The following PTPRE variants were observed in gnomAD, a reference collection of about 807,000 sequenced individuals.
PTPRE encodes receptor-type tyrosine-protein phosphatase epsilon.
PTPRE carries 51 observed loss-of-function variants against 102.0 expected under a neutral mutation model. The ratio of observed to expected loss-of-function variants is 0.50; its 90% CI spans 0.40 to 0.63. The LOEUF is 0.63. Among genes scored for constraint, PTPRE ranks in the 30% least tolerant of loss-of-function variants. The pLI, the probability that PTPRE is intolerant of heterozygous loss-of-function variation, is 0.00. For synonymous variants in PTPRE, 345 were observed against 348.2 expected, an observed-to-expected ratio of 0.99 and a Z score of 0.10; for missense variants, 752 against 915.1, an observed-to-expected ratio of 0.82 and a Z score of 2.30.
intron 2 of PTPRE, among the ~76,000 whole-genome samples, chr10:128,002,974 A>C (rs1291984460): frequency 6.6e-6 from 1 of 152,116 alleles, no homozygotes; most frequent in Non-Finnish European, 1.5e-5. Flanking sequence ...GATTACAGGC[A>C]TGAGCCACTG....
chr10:128,011,912 C>G (rs1845050084), intron 2 of PTPRE, among the ~76,000 whole-genome samples: 1 of 152,226 alleles, frequency 6.6e-6, no homozygotes. Context: ...CACCTGTGTC[C>G]TCACCCATCC....
At chr10:127,927,325 T>A (rs986395167) in intron 1 of PTPRE, among the ~76,000 whole-genome samples, 1 of 152,224 alleles carries the variant, frequency 6.6e-6, no homozygotes, top group Non-Finnish European at 1.5e-5. Context: ...TGATGCCAGA[T>A]GAAGTACTGG....
Position 128,014,311 on chromosome 10 carries a change from G to A in PTPRE, c.-7-26564G>A, listed in dbSNP as rs1299598881. 2.6e-5 allele frequency among the ~76,000 whole-genome samples: 4 copies of A among 152,270 alleles called. No homozygotes were observed. The East Asian group carries it at 7.7e-4, about 29-fold the overall frequency. ...GTTCTCTCCTTAGTTGCAATTTGGG[G>A]TCAAATGTTCTCCCAAACAACCGGA... On this transcript the variant is annotated intron_variant, in intron 2 of 20. Transcript: ENST00000254667.
intron 6 of PTPRE, among the ~76,000 whole-genome samples, chr10:128,050,354 T>TGGAC (rs10684251): frequency 0.56 from 75,919 of 134,604 alleles, 23,156 homozygotes; most frequent in Admixed American, 0.69. Flanking sequence ...GATGGATGGA[T>TGGAC]GGATGGATGG....
Position 128,056,123 on chromosome 10 carries a change from T to G in PTPRE, c.421T>G (p.Ser141Ala). ...ATACTAATGCTACATTTTCTTCCAG[T>G]CATTGCCATCTGGACACATACAAGG... Reference protein sequence around the residue: ...DCKQFREEFNSLPSGHIQGTF... With the variant: ...DCKQFREEFNALPSGHIQGTF... Residue 141 changes from serine (S) to alanine (A), a missense_variant and splice_region_variant, in exon 7 of 21, where the codon TCA (serine) becomes GCA (alanine). Coordinates refer to ENST00000254667, the MANE Select transcript of PTPRE (RefSeq NM_006504.6). 3 of 1,606,330 alleles carry G rather than the reference T, an allele frequency of 1.9e-6. No homozygotes were observed. The highest frequency in any genetic ancestry group is 2.6e-6 in the Non-Finnish European group (3 of 1,173,196).
chr10:127,940,090 G>A (rs1010055480), intron 1 of PTPRE, among the ~76,000 whole-genome samples: 2 of 151,902 alleles, frequency 1.3e-5, no homozygotes, highest in African/African-American at 2.4e-5. Context: ...GAGGAGCCAG[G>A]TGCGGGCAGG....
intron 18 of PTPRE, 57 bp from the exon 19 acceptor site, chr10:128,077,560 G>A: frequency 6.4e-7 from 1 of 1,554,660 alleles, no homozygotes; most frequent in Non-Finnish European, 8.7e-7. Context: ...GGCAGATGGG[G>A]CTGGGGCCTG....
chr10:127,982,247 A>T (rs1290195822), intron 1 of PTPRE, 27 bp from the exon 2 acceptor site: 1 of 1,254,804 alleles, frequency 8.0e-7, no homozygotes, highest in African/African-American at 1.6e-5. Context: ...CAGAAAACTG[A>T]CTTTTTTTTT....
rs373783764 is a variant in PTPRE at position 128,008,888 on chromosome 10, T to C, written c.-8+26592T>C. Among the ~76,000 whole-genome samples, 1 of 152,204 alleles carries C rather than the reference T, an allele frequency of 6.6e-6. No individual in the cohort carries two copies. On this transcript the variant is annotated intron_variant, in intron 2 of 20. Transcript: ENST00000254667. The surrounding 1 kb of genome is among the most constrained non-coding windows in gnomAD (Gnocchi z 4.0). Reference sequence around the variant, plus strand: ...AATCAACAAACCTGCATGAATTCAGTGCCCAGTGCTAAGTCCCAGAAGTGA... The same window carrying C: ...AATCAACAAACCTGCATGAATTCAGCGCCCAGTGCTAAGTCCCAGAAGTGA...
At chr10:127,986,132 T>G (rs1382034767) in intron 2 of PTPRE, among the ~76,000 whole-genome samples, 1 of 152,206 alleles carries the variant, frequency 6.6e-6, no homozygotes, top group Non-Finnish European at 1.5e-5. Flanking sequence ...ATGAGTCAAG[T>G]CTTTTTTCCT....
chr10:127,977,163 A>G (rs1851243187), intron 1 of PTPRE, among the ~76,000 whole-genome samples: 1 of 152,186 alleles, frequency 6.6e-6, no homozygotes, highest in Admixed American at 6.5e-5. Flanking sequence ...AGGACAGCTC[A>G]GTGTCTTTTG....
At chr10:128,011,982 TG>T (rs1564881445) in intron 2 of PTPRE, among the ~76,000 whole-genome samples, 4 of 152,198 alleles carry the variant, frequency 2.6e-5, no homozygotes, top group Admixed American at 6.5e-5. Flanking sequence ...ACAGATGACA[TG>T]CCCAGGGTGA....
chr10:128,055,527 G>A (rs1195590283), intron 6 of PTPRE, among the ~76,000 whole-genome samples: 3 of 152,120 alleles, frequency 2.0e-5, no homozygotes, highest in Non-Finnish European at 4.4e-5. Context: ...TCTGGGGTGT[G>A]GACAGAGCAT....
chr10:127,974,854 C>T (rs1241665058), intron 1 of PTPRE, among the ~76,000 whole-genome samples: 2 of 151,842 alleles, frequency 1.3e-5, no homozygotes, highest in East Asian at 3.8e-4. Flanking sequence ...GGGTCTGCAC[C>T]TGCCTTCGTC....
intron 15 of PTPRE, 99 bp from the exon 16 acceptor site, chr10:128,072,039 T>A (rs1850816420): frequency 1.1e-6 from 1 of 890,744 alleles, no homozygotes; most frequent in Admixed American, 2.6e-5. Context: ...GTAGTGATTT[T>A]ATTAATAGGA....
rs1589849877 is a variant in PTPRE, at chr10:127,965,083, A to G, written c.-30-17191A>G. The G allele has an allele frequency of 1.8e-5, 8 of 452,312 alleles. No individual in the cohort carries two copies. The East Asian group carries it at 5.6e-4, about 32-fold the overall frequency. 28.0% of individuals were successfully genotyped at this position (452,312 alleles called of 1,614,324 possible). A position where few individuals can be genotyped will look rare whatever the true frequency, so the allele number is the denominator to read the frequency against. ...ATCTTGCACTTGACTTCTAAAATTC[A>G]GTCCAATTCCTTAATAAGTACATCA... On this transcript the variant is annotated intron_variant, in intron 1 of 20. Transcript: ENST00000254667.
intron 1 of PTPRE, among the ~76,000 whole-genome samples, chr10:127,939,134 A>G (rs1304291435): frequency 6.6e-6 from 1 of 152,232 alleles, no homozygotes; most frequent in Non-Finnish European, 1.5e-5. Flanking sequence ...ATAGCATAAC[A>G]TGCCATTGAA....
Position 128,072,150 on chromosome 10 carries a change from G to A in PTPRE, c.1400G>A (p.Arg467Gln), listed in dbSNP as rs778122997. 1.2e-6 allele frequency: 2 copies of A among 1,613,712 alleles called. No homozygotes were observed. The highest frequency in any genetic ancestry group is 1.7e-6 in the Non-Finnish European group (2 of 1,179,872). ...VIQIIPYDFNRVILSMKRGQE... is the reference protein window; with the variant it reads ...VIQIIPYDFNQVILSMKRGQE... ...TAATGCTTTGCAGATGACTTCAACC[G>A]AGTGATCCTTTCCATGAAAAGGGGT... The change falls in exon 16 of 21, where the codon CGA becomes CAA. Residue 467 changes from arginine (R) to glutamine (Q), a missense_variant. Physicochemically the swap from Arg to Gln is conservative, Grantham distance 43 (BLOSUM62 1). Transcript: ENST00000254667.
At chr10:128,082,195 CTTTTTTTTTTTTTTTTTT>C (rs35709074) in intron 20 of PTPRE, among the ~76,000 whole-genome samples, 2 of 89,036 alleles carry the variant, frequency 2.2e-5, no homozygotes, top group African/African-American at 4.6e-5. Flanking sequence ...TTTTCTCTTT[CTTTTTTTTTTTTTTTTTT>C]TTTTTTTTTT....
Sources: allele counts gnomAD v4.1 joint callset (sites outside exome capture counted in the v4.1 genomes callset), GRCh38; gene constraint gnomAD v4.1.1; non-coding constraint Gnocchi (gnomAD v3.1); transcripts MANE v1.5; gene names NCBI Gene and HGNC (gene_info 2026-07-23, HGNC 2026-07-21).